Variants in MTPN observed in about 807,000 individuals in gnomAD.
The protein encoded by MTPN is myotrophin.
A neutral mutation model predicts 13.5 loss-of-function variants in MTPN; 2 were observed. The observed-to-expected ratio is 0.15, with a 90% confidence interval of 0.06 to 0.47. The LOEUF is 0.47. Among genes scored for constraint, MTPN ranks in the 20% least tolerant of loss-of-function variants. The pLI, the probability that MTPN is intolerant of heterozygous loss-of-function variation, is 0.97. For missense variants in MTPN, 79 were observed against 137.9 expected, an observed-to-expected ratio of 0.57 and a Z score of 2.14; for synonymous variants, 46 against 51.7, an observed-to-expected ratio of 0.89 and a Z score of 0.48.
chr7:135,961,317 T>TTC (rs398006484), intron 1 of MTPN, among the ~76,000 whole-genome samples: 1 of 149,480 alleles, frequency 6.7e-6, no homozygotes, highest in Admixed American at 6.7e-5. Flanking sequence ...TTCAGTTGAT[T>TTC]CCCCCCCTCC....
At chr7:135,962,086 T>G (rs1799532516) in intron 1 of MTPN, among the ~76,000 whole-genome samples, 1 of 152,044 alleles carries the variant, frequency 6.6e-6, no homozygotes, top group African/African-American at 2.4e-5. Flanking sequence ...TTGTACTCTA[T>G]GGAAATTGTA....
intron 1 of MTPN, among the ~76,000 whole-genome samples, chr7:135,953,658 T>A (rs999485287): frequency 6.6e-6 from 1 of 152,208 alleles, no homozygotes; most frequent in Non-Finnish European, 1.5e-5. Flanking sequence ...AAGGGTGATA[T>A]CAACTGTCTA....
chr7:135,956,031 G>A (rs1051098608), intron 1 of MTPN, among the ~76,000 whole-genome samples: 2 of 152,134 alleles, frequency 1.3e-5, no homozygotes, highest in African/African-American at 4.8e-5. Context: ...TTGCACTAGC[G>A]GTTCTAATCA....
intron 1 of MTPN, among the ~76,000 whole-genome samples, chr7:135,955,955 A>G (rs555797106): frequency 1.8e-4 from 27 of 152,354 alleles, no homozygotes; most frequent in East Asian, 7.7e-4. Flanking sequence ...TAATTGGTGA[A>G]AGACTGAATG....
intron 3 of MTPN, among the ~76,000 whole-genome samples, chr7:135,940,551 T>G (rs1438875907): frequency 6.6e-6 from 1 of 152,208 alleles, no homozygotes; most frequent in African/African-American, 2.4e-5. Context: ...AGCAGTCCCC[T>G]GAAGTGGACA....
intron 3 of MTPN, among the ~76,000 whole-genome samples, chr7:135,938,817 T>C (rs1378744771): frequency 3.3e-5 from 5 of 152,162 alleles, no homozygotes; most frequent in African/African-American, 1.2e-4. Context: ...TTAGCTAGTG[T>C]AAGGACAATT....
chr7:135,955,422 T>C (rs1217938122), intron 1 of MTPN, among the ~76,000 whole-genome samples: 1 of 152,110 alleles, frequency 6.6e-6, no homozygotes, highest in Non-Finnish European at 1.5e-5. Flanking sequence ...AAAGTGCCAA[T>C]ATTGGACAAC....
intron 1 of MTPN, among the ~76,000 whole-genome samples, chr7:135,965,492 A>AT (rs1027259418): frequency 1.3e-5 from 2 of 152,160 alleles, no homozygotes; most frequent in African/African-American, 4.8e-5. Context: ...TTATATTGTT[A>AT]TAAGTAATGT....
At chr7:135,966,545 G>A (rs1324224539) in intron 1 of MTPN, among the ~76,000 whole-genome samples, 3 of 150,312 alleles carry the variant, frequency 2.0e-5, no homozygotes, top group African/African-American at 7.3e-5. Flanking sequence ...CCATCACAAC[G>A]TCAAAAAAAA....
At chr7:135,931,098 C>A (rs549676378) in intron 3 of MTPN, among the ~76,000 whole-genome samples, 6 of 152,134 alleles carry the variant, frequency 3.9e-5, no homozygotes, top group Non-Finnish European at 8.8e-5. Context: ...TTTATCCATG[C>A]GGGCTCTAGA....
At position 135,969,734 on chromosome 7, in the gene MTPN, T is replaced by C. The variant is rs183575575; in HGVS notation, c.72+7295A>G. On this transcript the variant is annotated intron_variant, in intron 1 of 3. Transcript: ENST00000393085. ...AACCCCACAAAAAGTAAAAGACCAT[T>C]GTAGAATAAGAAAATAAATGAAGTC... is the stretch of plus-strand genomic sequence containing the variant. 5.3e-5 allele frequency among the ~76,000 whole-genome samples: 8 copies of C among 152,090 alleles called. No individual in the cohort carries two copies. In the South Asian group the frequency reaches 1.7e-3, roughly 32 times the overall value.
Position 135,927,063 on chromosome 7 carries a change from T to C in MTPN, c.*2863A>G, listed in dbSNP as rs1798930883. On this transcript the variant is annotated 3_prime_UTR_variant, in exon 4 of 4. Coordinates refer to ENST00000393085, the MANE Select transcript of MTPN (RefSeq NM_145808.4). Reference sequence around the variant, plus strand: ...TGCTTATTTATGTAGGAGGGCACTCTCACCAGCTTCTTCTATACACAATTG... The same window carrying C: ...TGCTTATTTATGTAGGAGGGCACTCCCACCAGCTTCTTCTATACACAATTG... 2 of 352,526 alleles carry C rather than the reference T, an allele frequency of 5.7e-6. No individual in the cohort carries two copies. The highest frequency in any genetic ancestry group is 1.0e-5 in the Non-Finnish European group (2 of 197,580). The allele number at this position is 352,526 out of a possible 1,614,324, so 21.8% of individuals were successfully genotyped here.
intron 3 of MTPN, among the ~76,000 whole-genome samples, chr7:135,947,285 T>A (rs1799300487): frequency 6.6e-6 from 1 of 152,166 alleles, no homozygotes; most frequent in South Asian, 2.1e-4. Flanking sequence ...GGGCGTGGCC[T>A]TGGATCAGCT....
At chr7:135,941,334 T>A (rs1799206176) in intron 3 of MTPN, among the ~76,000 whole-genome samples, 1 of 152,258 alleles carries the variant, frequency 6.6e-6, no homozygotes, top group Non-Finnish European at 1.5e-5. Context: ...CTAGGTTTAC[T>A]AACTTCATTG....
rs75053719 is a variant in MTPN, at chr7:135,927,019, G to C, written c.*2907C>G. The C allele has an allele frequency of 3.9e-6, 1 of 258,074 alleles. No individual in the cohort carries two copies. The highest frequency in any genetic ancestry group is 6.6e-5 in the East Asian group (1 of 15,144). The allele number at this position is 258,074 out of a possible 1,614,324, so 16.0% of individuals were successfully genotyped here. A position where few individuals can be genotyped will look rare whatever the true frequency, so the allele number is the denominator to read the frequency against. On this transcript the variant is annotated 3_prime_UTR_variant, in exon 4 of 4. Coordinates refer to ENST00000393085, the MANE Select transcript of MTPN (RefSeq NM_145808.4). ...GGACAATTTAAATTTTTTATATTTT[G>C]CATGCAAAACACTGCAATTGCTTAT...
chr7:135,953,293 T>C (rs1013778007), intron 1 of MTPN, among the ~76,000 whole-genome samples: 7 of 152,370 alleles, frequency 4.6e-5, no homozygotes, highest in African/African-American at 1.7e-4. Flanking sequence ...TTTAAATATA[T>C]GGTACCCTTA....
intron 1 of MTPN, among the ~76,000 whole-genome samples, chr7:135,957,507 GA>G (rs61674238): frequency 0.091 from 13,566 of 148,274 alleles, 636 homozygotes; most frequent in Admixed American, 0.11. Flanking sequence ...AAATTGGAAA[GA>G]AAAAAAAAAG....
At chr7:135,958,874 T>C (rs980821742) in intron 1 of MTPN, among the ~76,000 whole-genome samples, 1 of 152,104 alleles carries the variant, frequency 6.6e-6, no homozygotes, top group African/African-American at 2.4e-5. Context: ...ACATTCAAAT[T>C]TCACTAAAGT....
At chr7:135,939,375 A>G (rs1799164901) in intron 3 of MTPN, among the ~76,000 whole-genome samples, 1 of 151,874 alleles carries the variant, frequency 6.6e-6, no homozygotes, top group African/African-American at 2.4e-5. Flanking sequence ...GACACAACCC[A>G]CTTCCAACCC....
Sources: gnomAD v4.1 joint callset for allele counts (sites outside exome capture counted in the v4.1 genomes callset) on GRCh38, gnomAD v4.1.1 for gene constraint, MANE v1.5 for transcripts, NCBI Gene and HGNC (gene_info 2026-07-23, HGNC 2026-07-21) for gene names.